The following EMC7 variants were observed in gnomAD, a reference collection of about 807,000 sequenced individuals.
EMC7 encodes the protein endoplasmic reticulum membrane protein complex subunit 7.
Under a neutral mutation model 24.4 loss-of-function variants are expected in EMC7, and 4 were observed. That is an observed-to-expected ratio of 0.16 (90% CI 0.08 to 0.38). EMC7 has a LOEUF of 0.38. Ranked by LOEUF, EMC7 falls within the 10% of genes least tolerant of loss-of-function variation. The probability of loss-of-function intolerance (pLI) is 1.00; values close to 1 mark genes in which losing one functional copy is unlikely to be tolerated. For missense variants in EMC7, 221 were observed against 300.6 expected, an observed-to-expected ratio of 0.74 and a Z score of 1.96; for synonymous variants, 106 against 112.0, an observed-to-expected ratio of 0.95 and a Z score of 0.34.
At chr15:34,093,806 C>CACACACACATATATATATATAT (rs61440619) in intron 2 of EMC7, among the ~76,000 whole-genome samples, 1 of 30,250 alleles carries the variant, frequency 3.3e-5, no homozygotes, top group Non-Finnish European at 7.8e-5. Context: ...CACACACACA[C>CACACACACATATATATATATAT]ATATATATAT....
At chr15:34,087,676 G>T (rs1900910482) in intron 4 of EMC7, among the ~76,000 whole-genome samples, 1 of 152,172 alleles carries the variant, frequency 6.6e-6, no homozygotes, top group Admixed American at 6.5e-5. Flanking sequence ...TACATAAAGA[G>T]ATCCAGGCCA....
At chr15:34,090,584 A>C (rs1178662452) in intron 2 of EMC7, 129 bp from the exon 3 acceptor site, 1 of 1,051,544 alleles carries the variant, frequency 9.5e-7, no homozygotes, top group East Asian at 2.8e-5. Flanking sequence ...TTTAAAACCT[A>C]AACTTTTGAT....
chr15:34,092,293 A>AC (rs1555523196), intron 2 of EMC7, among the ~76,000 whole-genome samples: 16 of 151,640 alleles, frequency 1.1e-4, no homozygotes, highest in East Asian at 3.9e-4. Context: ...ACACACACAC[A>AC]AAGAATTAGG....
chr15:34,084,199 G>A lies in EMC7; in HGVS notation c.*135C>T. ...CCAAGTACAAAACATGTGCTAAAAA[G>A]TTAACATACACAGTTGTAAGAGATC... is the stretch of plus-strand genomic sequence containing the variant. On this transcript the variant is annotated 3_prime_UTR_variant, in exon 5 of 5. Coordinates refer to ENST00000256545, the MANE Select transcript of EMC7 (RefSeq NM_020154.3). The A allele has an allele frequency of 8.9e-7, 1 of 1,125,144 alleles. No individual in the cohort carries two copies. The highest frequency in any genetic ancestry group is 1.8e-5 in the South Asian group (1 of 55,720). The allele number at this position is 1,125,144 out of a possible 1,614,324, so 69.7% of individuals were successfully genotyped here.
intron 4 of EMC7, chr15:34,085,969 G>A (rs938106433): frequency 5.9e-5 from 13 of 219,488 alleles, no homozygotes; most frequent in Non-Finnish European, 4.7e-5. Flanking sequence ...GGCCAGCTGG[G>A]CTGCTCTTTC....
In EMC7 at chr15:34,101,817, A is replaced by T. The variant is rs1308616083; in HGVS notation, c.23T>A (p.Phe8Tyr). ...CAGCAGCAGCAGCAGGACGGGAAAGAAGCCCCACAGAGCGGCCGCCATGAC... is the reference window on the plus strand; with the variant it reads ...CAGCAGCAGCAGCAGGACGGGAAAGTAGCCCCACAGAGCGGCCGCCATGAC... Reference protein sequence around the residue: MAAALWGFFPVLLLLLLS... With the variant: MAAALWGYFPVLLLLLLS... The change falls in exon 1 of 5, where the codon TTC becomes TAC. Residue 8 changes from phenylalanine to tyrosine, a missense_variant. This residue lies in a region of EMC7 where 156 missense variants were observed against 177.1 expected (regional missense o/e 0.88). Coordinates refer to ENST00000256545, the MANE Select transcript of EMC7 (RefSeq NM_020154.3). The T allele has an allele frequency of 3.7e-6, 6 of 1,609,510 alleles. No individual in the cohort carries two copies.
intron 3 of EMC7, among the ~76,000 whole-genome samples, chr15:34,089,759 C>T (rs1031710047): frequency 1.3e-5 from 2 of 152,164 alleles, no homozygotes; most frequent in African/African-American, 4.8e-5. Context: ...GAGTTCAAGA[C>T]CAGCCTGGCC....
intron 1 of EMC7, among the ~76,000 whole-genome samples, chr15:34,096,491 G>A (rs1285181858): frequency 6.6e-6 from 1 of 152,088 alleles, no homozygotes; most frequent in Non-Finnish European, 1.5e-5. Flanking sequence ...TAATTACACT[G>A]AATAGGTTCT....
intron 4 of EMC7, chr15:34,086,253 A>G (rs949501308): frequency 5.1e-5 from 16 of 314,894 alleles, no homozygotes; most frequent in Admixed American, 2.9e-4. Context: ...CTGGTGCCAG[A>G]TAAACCTCTT....
intron 3 of EMC7, among the ~76,000 whole-genome samples, chr15:34,089,736 C>T (rs1900949973): frequency 6.6e-6 from 1 of 152,212 alleles, no homozygotes; most frequent in African/African-American, 2.4e-5. Flanking sequence ...GCGGGCAGAT[C>T]ACCTGAGGTC....
chr15:34,101,407 C>T (rs1901171566), intron 1 of EMC7, among the ~76,000 whole-genome samples, 197 bp downstream of exon 1: 1 of 152,138 alleles, frequency 6.6e-6, no homozygotes, highest in Non-Finnish European at 1.5e-5. Flanking sequence ...GCCTGCCATG[C>T]TCATTCCAGA....
In EMC7 at chr15:34,095,877, T is replaced by A; in HGVS notation, c.356+18A>T. 6.3e-7 allele frequency: 1 copy of A among 1,586,544 alleles called. No homozygotes were observed. Among genetic ancestry groups the A allele is most frequent in the East Asian group, 2.3e-5 (1 of 44,298 alleles). ...CAGTAGCCTAGCTTTTGGCAAAAAT[T>A]AAATCAGGTGCCCTCACCTCATTTT... On this transcript the variant is annotated intron_variant, in intron 2 of 4. Coordinates refer to ENST00000256545, the MANE Select transcript of EMC7 (RefSeq NM_020154.3).
intron 2 of EMC7, among the ~76,000 whole-genome samples, chr15:34,092,693 T>A (rs1597404976): frequency 6.6e-6 from 1 of 152,118 alleles, no homozygotes; most frequent in Non-Finnish European, 1.5e-5. Context: ...TTCTTTTTTT[T>A]AATTTAACCT....
chr15:34,086,025 G>T (rs1004110622), intron 4 of EMC7: 1 of 295,152 alleles, frequency 3.4e-6, no homozygotes. Context: ...AGTAATCTCA[G>T]CACGGTAACA....
intron 1 of EMC7, among the ~76,000 whole-genome samples, chr15:34,099,901 A>G (rs372822718): frequency 6.6e-6 from 1 of 152,190 alleles, no homozygotes; most frequent in South Asian, 2.1e-4. Context: ...CGCGCCTGGA[A>G]ATTCTCCATC....
intron 2 of EMC7, among the ~76,000 whole-genome samples, chr15:34,095,664 A>C (rs576465456): frequency 6.6e-6 from 1 of 152,320 alleles, no homozygotes; most frequent in South Asian, 2.1e-4. Context: ...CCTTTTCTTT[A>C]TGTAATCATA....
intron 2 of EMC7, 104 bp from the exon 3 acceptor site, chr15:34,090,559 CT>C (rs1181395318): frequency 7.9e-7 from 1 of 1,267,888 alleles, no homozygotes; most frequent in African/African-American, 1.5e-5. Context: ...ACACTTTCAG[CT>C]TTTTCCAAAA....
chr15:34,086,390 T>C (rs1900886903), intron 4 of EMC7: 1 of 176,972 alleles, frequency 5.7e-6, no homozygotes, highest in African/African-American at 2.4e-5. Context: ...TGAATCAACT[T>C]TTTAAGATGC....
intron 2 of EMC7, among the ~76,000 whole-genome samples, chr15:34,092,871 T>C (rs945867359): frequency 6.6e-6 from 1 of 152,050 alleles, no homozygotes; most frequent in African/African-American, 2.4e-5. Flanking sequence ...CCATTATAGA[T>C]TGAAAAATAC....
Sources: gnomAD v4.1 joint callset for allele counts (sites outside exome capture counted in the v4.1 genomes callset) on GRCh38, gnomAD v4.1.1 for gene constraint, gnomAD v4.1.1 regional missense constraint, MANE v1.5 for transcripts, NCBI Gene and HGNC (gene_info 2026-07-23, HGNC 2026-07-21) for gene names.